Variants in ANKS1B observed in about 807,000 individuals in gnomAD.
ANKS1B encodes the protein ankyrin repeat and sterile alpha motif domain containing 1B, also known as ankyrin repeat and sterile alpha motif domain-containing protein 1B.
A neutral mutation model predicts 148.3 loss-of-function variants in ANKS1B; 36 were observed. The ratio of observed to expected loss-of-function variants is 0.24; its 90% CI spans 0.19 to 0.32. The LOEUF is 0.32. ANKS1B is among the 10% of genes least tolerant of loss of function. The pLI is 1.00. For missense variants in ANKS1B, 1,157 were observed against 1,542.6 expected (o/e 0.75, Z 4.19); for synonymous variants, 542 against 560.8 (o/e 0.97, Z 0.47).
intron 8 of ANKS1B, among the ~76,000 whole-genome samples, chr12:99,657,659 A>ATATATATATATATATATATATATATAT (rs66516058): frequency 6.8e-6 from 1 of 146,800 alleles, no homozygotes; most frequent in African/African-American, 2.5e-5. Flanking sequence ...ATATATATAT[A>ATATATATATATATATATATATATATAT]TGATAAAGTT....
intron 10 of ANKS1B, among the ~76,000 whole-genome samples, chr12:99,491,930 T>C (rs148019887): frequency 0.037 from 5,663 of 152,238 alleles, 145 homozygotes; most frequent in South Asian, 0.084. Flanking sequence ...GGGAAATTTA[T>C]AGCATTAAAT....
intron 1 of ANKS1B, among the ~76,000 whole-genome samples, chr12:99,910,058 T>C (rs1372255120): frequency 2.6e-5 from 4 of 151,900 alleles, no homozygotes; most frequent in African/African-American, 9.7e-5. Flanking sequence ...ATCCATATAA[T>C]AGAATATTAT....
intron 8 of ANKS1B, among the ~76,000 whole-genome samples, chr12:99,681,086 C>A (rs2098612553): frequency 6.6e-6 from 1 of 152,118 alleles, no homozygotes; most frequent in Non-Finnish European, 1.5e-5. Flanking sequence ...AGACAAAAGA[C>A]ATAATCTCTT....
chr12:99,304,454 T>G (rs2082092389), intron 12 of ANKS1B, among the ~76,000 whole-genome samples: 1 of 152,168 alleles, frequency 6.6e-6, no homozygotes, highest in Non-Finnish European at 1.5e-5. Context: ...TGCTGATTCT[T>G]GGCTTTCCTT....
At chr12:99,944,986 T>TA (rs2095024956) in intron 1 of ANKS1B, among the ~76,000 whole-genome samples, 1 of 152,108 alleles carries the variant, frequency 6.6e-6, no homozygotes, top group South Asian at 2.1e-4. Flanking sequence ...AGCATCAACT[T>TA]AGCAGCTAAT....
chr12:98,993,387 T>C (rs773278615), intron 17 of ANKS1B, among the ~76,000 whole-genome samples: 48 of 152,200 alleles, frequency 3.2e-4, no homozygotes, highest in Non-Finnish European at 6.2e-4. Flanking sequence ...CAGGCTGGTC[T>C]CCAATTCCTG....
chr12:98,800,673 G>GATATAT (rs753914387), intron 21 of ANKS1B, among the ~76,000 whole-genome samples: 2 of 13,716 alleles, frequency 1.5e-4, no homozygotes, highest in African/African-American at 3.7e-4. Context: ...TGAGTGAGCA[G>GATATAT]AGATATATAT....
At chr12:99,603,221 T>C (rs868567547) in intron 9 of ANKS1B, among the ~76,000 whole-genome samples, 1 of 152,126 alleles carries the variant, frequency 6.6e-6, no homozygotes, top group African/African-American at 2.4e-5. Flanking sequence ...TTTGTTTTGC[T>C]GAAATTTTCA....
At chr12:99,397,663 G>A (rs1414715259) in intron 12 of ANKS1B, among the ~76,000 whole-genome samples, 1 of 151,998 alleles carries the variant, frequency 6.6e-6, no homozygotes. Context: ...TGTTCTTTGT[G>A]TATTTCCTTA....
At chr12:98,891,364 A>AT (rs1367831432) in intron 17 of ANKS1B, among the ~76,000 whole-genome samples, 10 of 152,078 alleles carry the variant, frequency 6.6e-5, no homozygotes, top group Non-Finnish European at 1.5e-5. Flanking sequence ...TATTCTCACA[A>AT]TTTTTTAAAG....
rs986732085 is a variant in ANKS1B, at chr12:99,780,128, CAT to C, written c.746-158_746-157del. Among the ~76,000 whole-genome samples the C allele has an allele frequency of 3.7e-3, 556 of 152,212 alleles. 11 individuals are homozygous for C. The highest frequency in any genetic ancestry group is 1.4e-3 in the Non-Finnish European group (98 of 68,006). ...TTCTACACACACACATACACACACA[CAT>C]GCGCACACACACACACACTCACACA... On this transcript the variant is annotated intron_variant, in intron 5 of 26. Coordinates refer to ENST00000683438, the MANE Select transcript of ANKS1B (RefSeq NM_001352186.2).
Position 98,825,601 on chromosome 12 carries a change from C to T in ANKS1B, c.3066+3573G>A, listed in dbSNP as rs779044984. On this transcript the variant is annotated intron_variant, in intron 19 of 26. Transcript: ENST00000683438. ...ACAAGTACTATTTCATTTTCTCATA[C>T]GTTTTTCTGTAAATGGAAGCCTTCT... Among the ~76,000 whole-genome samples, 9 of 152,020 alleles carry T rather than the reference C, an allele frequency of 5.9e-5. No homozygotes were observed. The South Asian group carries it at 8.3e-4, about 14-fold the overall frequency.
intron 17 of ANKS1B, among the ~76,000 whole-genome samples, chr12:98,975,668 A>G (rs7952964): frequency 0.53 from 80,345 of 151,892 alleles, 24,256 homozygotes; most frequent in African/African-American, 0.84. Flanking sequence ...GTTGTTTTAT[A>G]TAGAATGGTC....
At chr12:99,977,418 C>T (rs1394780970) in intron 1 of ANKS1B, among the ~76,000 whole-genome samples, 5 of 152,218 alleles carry the variant, frequency 3.3e-5, no homozygotes, top group East Asian at 1.9e-4. Context: ...CCAAAGCCTG[C>T]GATTACAGGT....
At chr12:99,373,434 C>T (rs575245479) in intron 12 of ANKS1B, among the ~76,000 whole-genome samples, 17 of 152,240 alleles carry the variant, frequency 1.1e-4, no homozygotes, top group Non-Finnish European at 2.2e-4. Flanking sequence ...ACTATCCCTT[C>T]CCTATTAGAC....
chr12:99,960,968 C>T (rs931920826), intron 1 of ANKS1B, among the ~76,000 whole-genome samples: 25 of 152,268 alleles, frequency 1.6e-4, no homozygotes, highest in African/African-American at 5.5e-4. Context: ...TGGCTCACAC[C>T]TGTAATCCCA....
intron 17 of ANKS1B, among the ~76,000 whole-genome samples, chr12:98,844,697 C>T (rs1260394990): frequency 6.6e-6 from 1 of 152,092 alleles, no homozygotes; most frequent in African/African-American, 2.4e-5. Flanking sequence ...CATCTATAGC[C>T]AAGAGGCTTG....
chr12:99,087,475 G>A (rs559952858), intron 15 of ANKS1B, among the ~76,000 whole-genome samples: 1 of 152,180 alleles, frequency 6.6e-6, no homozygotes, highest in South Asian at 2.1e-4. Flanking sequence ...AGCCAGTCTT[G>A]GCAACATGCC....
intron 9 of ANKS1B, among the ~76,000 whole-genome samples, chr12:99,589,095 A>G (rs2097673749): frequency 6.6e-6 from 1 of 152,210 alleles, no homozygotes; most frequent in South Asian, 2.1e-4. Context: ...GAAATGGTTT[A>G]GAGAGTCATC....
Sources: gnomAD v4.1 joint callset for allele counts (sites outside exome capture counted in the v4.1 genomes callset) on GRCh38, gnomAD v4.1.1 for gene constraint, MANE v1.5 for transcripts, NCBI Gene and HGNC (gene_info 2026-07-23, HGNC 2026-07-21) for gene names.